GHITM: variants seen among roughly 807,000 people sequenced by gnomAD.
The protein encoded by GHITM is growth hormone-inducible transmembrane protein.
GHITM carries 24 observed loss-of-function variants against 38.7 expected under a neutral mutation model. That is an observed-to-expected ratio of 0.62 (90% CI 0.45 to 0.87). GHITM has a LOEUF of 0.87. GHITM is among the 40% of genes least tolerant of loss of function. The pLI, the probability that GHITM is intolerant of heterozygous loss-of-function variation, is 0.00. For synonymous variants in GHITM, 154 were observed against 147.8 expected, an observed-to-expected ratio of 1.04 and a Z score of -0.30; for missense variants, 420 against 429.8, an observed-to-expected ratio of 0.98 and a Z score of 0.20.
At chr10:84,148,387 G>C (rs1363994683) in intron 5 of GHITM, among the ~76,000 whole-genome samples, 1 of 152,074 alleles carries the variant, frequency 6.6e-6, no homozygotes, top group Non-Finnish European at 1.5e-5. Flanking sequence ...CCACCTCCCG[G>C]GTTCAAGTGA....
At chr10:84,139,793 C>T (rs1190898265) in intron 1 of GHITM, 200 bp downstream of exon 1, 2 of 152,958 alleles carry the variant, frequency 1.3e-5, no homozygotes, top group Non-Finnish European at 2.9e-5. Context: ...GTCAGGCGGG[C>T]AAGGGCTCAG....
chr10:84,139,725 C>G (rs1318429068), intron 1 of GHITM, 132 bp downstream of exon 1: 3 of 152,824 alleles, frequency 2.0e-5, no homozygotes, highest in Non-Finnish European at 2.9e-5. Flanking sequence ...CCGGCCTGCG[C>G]GTTGGGGTCG....
chr10:84,143,370 A>G (rs1209991678), intron 3 of GHITM, among the ~76,000 whole-genome samples: 1 of 152,216 alleles, frequency 6.6e-6, no homozygotes. Context: ...ATTTGACCCT[A>G]GAGACCAAAT....
In GHITM at chr10:84,152,316, A is replaced by T. The variant is rs780113534; in HGVS notation, c.1006A>T (p.Met336Leu). 6.2e-7 allele frequency: 1 copy of T among 1,606,936 alleles called. No individual in the cohort carries two copies. The highest frequency in any genetic ancestry group is 8.5e-7 in the Non-Finnish European group (1 of 1,174,718). ...AAATATATTTATGCGAGTTGCAACT[A>T]TGCTGGCAACTGGAGGCAACAGAAA... ...TLNIFMRVAT[M>L]LATGGNRKK is the part of the protein sequence containing the mutation. Residue 336 changes from methionine to leucine, a missense_variant, in exon 9 of 9, where the codon ATG becomes TTG. Physicochemically the swap from Met to Leu is conservative, Grantham distance 15 (BLOSUM62 2). Transcript: ENST00000372134.
intron 3 of GHITM, 93 bp downstream of exon 3, chr10:84,142,847 C>T: frequency 1.7e-6 from 1 of 590,468 alleles, no homozygotes; most frequent in East Asian, 3.1e-5. Context: ...TGTATTTGTG[C>T]ATTTTCTGGG....
chr10:84,152,183 T>G (rs909216472), intron 8 of GHITM, 81 bp from the exon 9 acceptor site: 91 of 663,106 alleles, frequency 1.4e-4, no homozygotes, highest in Middle Eastern at 1.0e-3. Flanking sequence ...ACAAATAGTA[T>G]TTTTCTTCTT....
chr10:84,147,281 A>G (rs999801039), intron 5 of GHITM, among the ~76,000 whole-genome samples: 9 of 152,226 alleles, frequency 5.9e-5, no homozygotes, highest in African/African-American at 2.2e-4. Flanking sequence ...TTTTAAAAAT[A>G]GAGACTAGAT....
intron 5 of GHITM, among the ~76,000 whole-genome samples, chr10:84,146,453 C>T (rs1329791006): frequency 6.6e-6 from 1 of 152,096 alleles, no homozygotes; most frequent in Non-Finnish European, 1.5e-5. Flanking sequence ...CACTGATTCC[C>T]CACATAGGGA....
chr10:84,143,985 T>C lies in GHITM; in HGVS notation c.230-10T>C. On this transcript the variant is annotated splice_polypyrimidine_tract_variant and intron_variant, in intron 3 of 8. Transcript: ENST00000372134. ...CAGTACTAACCTGCATTTCCTTCTG[T>C]GTTCTGCAGTTGATCAGATGGGAAG... is the stretch of plus-strand genomic sequence containing the variant. 1 of 1,577,042 alleles carries C rather than the reference T, an allele frequency of 6.3e-7. No individual in the cohort carries two copies.
At chr10:84,146,183 G>A (rs1841555194) in intron 5 of GHITM, among the ~76,000 whole-genome samples, 1 of 152,198 alleles carries the variant, frequency 6.6e-6, no homozygotes, top group Admixed American at 6.5e-5. Context: ...GGAAATTCAA[G>A]TGTTTGAGGT....
chr10:84,148,483 G>A (rs1451149131), intron 5 of GHITM, among the ~76,000 whole-genome samples: 1 of 152,088 alleles, frequency 6.6e-6, no homozygotes, highest in Admixed American at 6.5e-5. Context: ...TTGTAGTAGA[G>A]ACAGGGTTTC....
At chr10:84,148,679 G>T (rs1304762273) in intron 5 of GHITM, 51 bp from the exon 6 acceptor site, 2 of 1,107,468 alleles carry the variant, frequency 1.8e-6, no homozygotes. Flanking sequence ...GTGGGTTTCT[G>T]CTTTGTTTTC....
rs559228300 is a variant in GHITM at position 84,142,821 on chromosome 10, T to C, written c.229+67T>C. ...ATGTTTTAAGAGGTCCATGAACAAC[T>C]TCCTAAAAATATATGTGTATTTGTG... On this transcript the variant is annotated intron_variant, in intron 3 of 8. Transcript: ENST00000372134. 9.2e-6 allele frequency: 7 copies of C among 764,970 alleles called. No homozygotes were observed. The Admixed American group carries it at 1.7e-4, about 19-fold the overall frequency. 47.4% of individuals were successfully genotyped at this position (764,970 alleles called of 1,614,324 possible).
At chr10:84,146,898 GATA>G (rs564119151) in intron 5 of GHITM, among the ~76,000 whole-genome samples, 4 of 152,320 alleles carry the variant, frequency 2.6e-5, no homozygotes, top group Admixed American at 2.6e-4. Flanking sequence ...TAGACACACA[GATA>G]ATGTCAAAGT....
chr10:84,141,221 G>T (rs764985849), intron 1 of GHITM, among the ~76,000 whole-genome samples: 3 of 152,172 alleles, frequency 2.0e-5, no homozygotes, highest in Non-Finnish European at 4.4e-5. Flanking sequence ...GGTCAAACTG[G>T]GACTTAAACC....
chr10:84,142,522 G>A, intron 2 of GHITM, 133 bp from the exon 3 acceptor site: 1 of 431,750 alleles, frequency 2.3e-6, no homozygotes, highest in Non-Finnish European at 4.2e-6. Flanking sequence ...AATTTCCATA[G>A]TGAAGTTAGG....
intron 5 of GHITM, among the ~76,000 whole-genome samples, chr10:84,146,251 C>T (rs903928470): frequency 6.6e-6 from 1 of 152,052 alleles, no homozygotes; most frequent in Non-Finnish European, 1.5e-5. Context: ...GAGGAGAGAA[C>T]CTAAGCAGTC....
At chr10:84,147,719 G>T (rs1421059964) in intron 5 of GHITM, among the ~76,000 whole-genome samples, 1 of 152,056 alleles carries the variant, frequency 6.6e-6, no homozygotes, top group Admixed American at 6.5e-5. Context: ...ATTTCTTGGA[G>T]ATTAGCACCA....
At chr10:84,145,981 A>G (rs373274737) in intron 5 of GHITM, among the ~76,000 whole-genome samples, 2 of 152,174 alleles carry the variant, frequency 1.3e-5, no homozygotes, top group South Asian at 2.1e-4. Context: ...AGATTGCTTG[A>G]GCCCAGGAAT....
Sources: allele counts gnomAD v4.1 joint callset (sites outside exome capture counted in the v4.1 genomes callset), GRCh38; gene constraint gnomAD v4.1.1; transcripts MANE v1.5; gene names NCBI Gene and HGNC (gene_info 2026-07-23, HGNC 2026-07-21).